Variants in SORBS2 observed in about 807,000 individuals in gnomAD.
SORBS2 encodes the protein sorbin and SH3 domain-containing protein 2.
Under a neutral mutation model 97.7 loss-of-function variants are expected in SORBS2, and 46 were observed. The observed-to-expected ratio is 0.47, with a 90% CI of 0.37 to 0.60. The LOEUF is 0.60. SORBS2 is among the 20% of genes least tolerant of loss of function. The pLI is 0.00. For synonymous variants in SORBS2, 476 were observed against 473.4 expected (o/e 1.01, Z -0.07); for missense variants, 1,316 against 1,282.3 (o/e 1.03, Z -0.40).
intron 2 of SORBS2, among the ~76,000 whole-genome samples, chr4:185,696,883 C>T (rs2098183221): frequency 6.6e-6 from 1 of 152,142 alleles, no homozygotes; most frequent in South Asian, 2.1e-4. Context: ...AGGAGAATTC[C>T]ATTGGCTTAT....
At chr4:185,647,412 CTTTTT>C (rs376002220) in intron 3 of SORBS2, among the ~76,000 whole-genome samples, 1 of 131,682 alleles carries the variant, frequency 7.6e-6, no homozygotes, top group Non-Finnish European at 1.6e-5. Context: ...AAGAAGGCTT[CTTTTT>C]TTTTTTTTTT....
In SORBS2 at chr4:185,766,262, C is replaced by A. The variant is rs114464675; in HGVS notation, c.-198+8965G>T. Among the ~76,000 whole-genome samples the A allele has an allele frequency of 3.4e-3, 511 of 152,264 alleles. 1 individual carries two copies. The highest frequency in any genetic ancestry group is 0.012 in the African/African-American group (490 of 41,536). ...ACTCATAGATGTGCACAGAAATGAACCATCTGGTGTGCCAGGCCACACCTT... is the reference window on the plus strand; with the variant it reads ...ACTCATAGATGTGCACAGAAATGAAACATCTGGTGTGCCAGGCCACACCTT... On this transcript the variant is annotated intron_variant, in intron 2 of 20. Transcript: ENST00000284776.
chr4:185,631,932 T>C (rs2096915469), intron 4 of SORBS2, among the ~76,000 whole-genome samples: 1 of 152,262 alleles, frequency 6.6e-6, no homozygotes, highest in Non-Finnish European at 1.5e-5. Context: ...ACTGGAATTC[T>C]AGTTTAAAAA....
chr4:185,614,923 G>T, exon 11 of SORBS2: 1 of 1,614,142 alleles, frequency 6.2e-7, no homozygotes, highest in Middle Eastern at 1.6e-4. Context: ...GGCGGAGGTG[G>T]TCTTGCAGGC....
intron 1 of SORBS2, among the ~76,000 whole-genome samples, chr4:185,882,659 G>C (rs2099237458): frequency 6.6e-6 from 1 of 152,064 alleles, no homozygotes; most frequent in Admixed American, 6.5e-5. Flanking sequence ...TAACAACATG[G>C]AGAACCCACA....
chr4:185,937,995 T>C (rs1202273640), intron 1 of SORBS2, among the ~76,000 whole-genome samples: 1 of 148,980 alleles, frequency 6.7e-6, no homozygotes, highest in Non-Finnish European at 1.5e-5. Flanking sequence ...TCCTAGGTTT[T>C]AGAGAAATCA....
intron 2 of SORBS2, among the ~76,000 whole-genome samples, chr4:185,721,166 T>C (rs934373145): frequency 1.4e-5 from 2 of 144,964 alleles, no homozygotes; most frequent in Non-Finnish European, 3.0e-5. Flanking sequence ...CCTCTGCCTC[T>C]CGGGTTCAAG....
In SORBS2 at chr4:185,812,094, G is replaced by A. The variant is rs1189642605; in HGVS notation, c.-337-36728C>T. ...TGTCCAAAAGGCAGCTTGCAGGCCTGCGTGGCTGTGATCATTGTATACTAA... is the reference window on the plus strand; with the variant it reads ...TGTCCAAAAGGCAGCTTGCAGGCCTACGTGGCTGTGATCATTGTATACTAA... On this transcript the variant is annotated intron_variant, in intron 1 of 20. It introduces an in-frame stop codon into an upstream open reading frame of the 5' UTR. Coordinates refer to the SORBS2 transcript ENST00000284776. 2.0e-5 allele frequency: 3 copies of A among 152,374 alleles called. No homozygotes were observed. Among genetic ancestry groups the A allele is most frequent in the Admixed American group, 6.5e-5 (1 of 15,310 alleles). 9.4% of individuals were successfully genotyped at this position (152,374 alleles called of 1,614,324 possible).
chr4:185,893,538 G>A (rs2099243507), intron 1 of SORBS2, among the ~76,000 whole-genome samples: 1 of 152,174 alleles, frequency 6.6e-6, no homozygotes, highest in Non-Finnish European at 1.5e-5. Flanking sequence ...CTTCCCTCCA[G>A]CTTCTGAAGG....
At chr4:185,602,234 T>C (rs1208527618) in intron 12 of SORBS2, among the ~76,000 whole-genome samples, 2 of 152,276 alleles carry the variant, frequency 1.3e-5, no homozygotes, top group African/African-American at 4.8e-5. Flanking sequence ...GGTCTTGAAC[T>C]CCTGACCTTG....
intron 1 of SORBS2, among the ~76,000 whole-genome samples, chr4:185,931,128 T>C (rs2099266243): frequency 6.6e-6 from 1 of 152,146 alleles, no homozygotes; most frequent in Non-Finnish European, 1.5e-5. Flanking sequence ...CATTAGATAA[T>C]TTATCATTAT....
intron 2 of SORBS2, chr4:185,773,681 C>G (rs904475532): frequency 6.6e-6 from 1 of 152,320 alleles, no homozygotes; most frequent in East Asian, 1.9e-4. Flanking sequence ...CAACAGAACA[C>G]GCAGGGACCG....
chr4:185,929,467 C>A (rs1237336726), intron 1 of SORBS2, among the ~76,000 whole-genome samples: 3 of 151,876 alleles, frequency 2.0e-5, no homozygotes, highest in Non-Finnish European at 2.9e-5. Context: ...TTTGTATGAT[C>A]CATCAAAGGT....
intron 1 of SORBS2, among the ~76,000 whole-genome samples, chr4:185,818,770 G>A (rs943310827): frequency 6.6e-6 from 1 of 151,400 alleles, no homozygotes; most frequent in African/African-American, 2.4e-5. Context: ...AGGTTGCAGT[G>A]AGCCGAGATC....
Position 185,781,826 on chromosome 4 carries a change from C to T in SORBS2, c.-337-6460G>A, listed in dbSNP as rs553144968. ...AATGCCATGCAGCCTCCAGCTTTCA[C>T]GTGTCTCTTCCTCAGGAAGGACTTC... On this transcript the variant is annotated intron_variant, in intron 1 of 20. Transcript: ENST00000284776. Among the ~76,000 whole-genome samples the T allele has an allele frequency of 7.9e-5, 12 of 152,408 alleles. No homozygotes were observed. The East Asian group carries it at 9.6e-4, about 12-fold the overall frequency.
At chr4:185,636,079 G>A (rs531845813) in intron 4 of SORBS2, among the ~76,000 whole-genome samples, 1 of 152,084 alleles carries the variant, frequency 6.6e-6, no homozygotes, top group African/African-American at 2.4e-5. Flanking sequence ...GGCTGGTCTC[G>A]AACCCCTGAC....
intron 1 of SORBS2, among the ~76,000 whole-genome samples, chr4:185,927,866 C>T (rs1191115683): frequency 6.6e-6 from 1 of 152,194 alleles, no homozygotes; most frequent in Non-Finnish European, 1.5e-5. Flanking sequence ...AAGGGATACA[C>T]AAGTCCTATC....
At chr4:185,950,974 AGTT>A (rs1406111059) in intron 1 of SORBS2, among the ~76,000 whole-genome samples, 1 of 152,178 alleles carries the variant, frequency 6.6e-6, no homozygotes, top group Non-Finnish European at 1.5e-5. Flanking sequence ...ATACCGATAG[AGTT>A]TAAAGCAAGG....
At chr4:185,784,349 C>T (rs2099046204) in intron 1 of SORBS2, among the ~76,000 whole-genome samples, 1 of 152,156 alleles carries the variant, frequency 6.6e-6, no homozygotes, top group Non-Finnish European at 1.5e-5. Flanking sequence ...CCAGGATGGT[C>T]TCGATCTCCT....
Sources: gnomAD v4.1 joint callset for allele counts (sites outside exome capture counted in the v4.1 genomes callset) on GRCh38, gnomAD v4.1.1 for gene constraint, MANE v1.5 for transcripts, NCBI Gene and HGNC (gene_info 2026-07-23, HGNC 2026-07-21) for gene names.